PRICKLE2: variants seen among roughly 807,000 people sequenced by gnomAD.
The protein encoded by PRICKLE2 is prickle planar cell polarity protein 2.
PRICKLE2 carries 21 observed loss-of-function variants against 81.4 expected under a neutral mutation model. That is an observed-to-expected ratio of 0.26 (90% confidence interval 0.18 to 0.37). PRICKLE2 has a LOEUF of 0.37. Among genes scored for constraint, PRICKLE2 ranks in the 10% least tolerant of loss-of-function variants. PRICKLE2 has a pLI of 1.00. For synonymous variants in PRICKLE2, 456 were observed against 421.5 expected (o/e 1.08, Z -1.00); for missense variants, 940 against 1,109.0 (o/e 0.85, Z 2.16).
In PRICKLE2 at chr3:64,113,240, G is replaced by C. The variant is rs548883607; in HGVS notation, c.1661-13315C>G. 4.6e-5 allele frequency among the ~76,000 whole-genome samples: 7 copies of C among 152,316 alleles called. No homozygotes were observed. In the South Asian group the frequency reaches 1.4e-3, roughly 32 times the overall value. On this transcript the variant is annotated intron_variant, in intron 7 of 7. Transcript: ENST00000638394. ...GGTGTCTGCAGTGCAGCACGGGCAG[G>C]GGTGGCCATTCCCCTAGACTCAACT...
At chr3:64,104,853 C>T (rs1290905680) in intron 7 of PRICKLE2, 2 of 152,250 alleles carry the variant, frequency 1.3e-5, no homozygotes, top group African/African-American at 4.8e-5. Flanking sequence ...CCAGGGTCTT[C>T]TTGCATGCAG....
chr3:64,204,681 C>G (rs1422603594), intron 1 of PRICKLE2, among the ~76,000 whole-genome samples: 2 of 152,024 alleles, frequency 1.3e-5, no homozygotes, highest in Non-Finnish European at 2.9e-5. Flanking sequence ...GCCACAAGGA[C>G]CTTATCTGTT....
rs759784420 is a variant in PRICKLE2 at position 64,094,220 on chromosome 3, C to T, written c.*4831G>A. The T allele has an allele frequency of 4.6e-5, 7 of 152,182 alleles. No homozygotes were observed. The highest frequency in any genetic ancestry group is 1.0e-4 in the Non-Finnish European group (7 of 68,032). The allele number at this position is 152,182 out of a possible 1,614,324, so 9.4% of individuals were successfully genotyped here. A position where few individuals can be genotyped will look rare whatever the true frequency, so the allele number is the denominator to read the frequency against. ...AAAATTAATTAAAAAATGGAGGACT[C>T]ATAGTCCTTACAATGTTAAGTCAGG... On this transcript the variant is annotated 3_prime_UTR_variant, in exon 8 of 8. Coordinates refer to ENST00000638394, the MANE Select transcript of PRICKLE2 (RefSeq NM_198859.4).
intron 7 of PRICKLE2, among the ~76,000 whole-genome samples, chr3:64,132,312 G>T (rs900981354): frequency 2.0e-5 from 3 of 152,138 alleles, no homozygotes; most frequent in Non-Finnish European, 2.9e-5. Flanking sequence ...GCCCTGAATG[G>T]CTCTCTTGCT....
intron 2 of PRICKLE2, among the ~76,000 whole-genome samples, chr3:64,261,100 G>A (rs1386289730): frequency 6.6e-6 from 1 of 152,068 alleles, no homozygotes; most frequent in Admixed American, 6.6e-5. Context: ...ACTCCAAGGG[G>A]TTTACAGACC....
At position 64,178,085 on chromosome 3, in the gene PRICKLE2, T is replaced by C. The variant is rs900881397; in HGVS notation, c.145-14956A>G. On this transcript the variant is annotated intron_variant, in intron 2 of 7. Transcript: ENST00000638394. The stretch of plus-strand genomic sequence containing the variant: ...ATTTATTTTCCAGTTTTTAAAATTA[T>C]AACCATCTTAGTAGGTCTGAAGCAG... 5.9e-5 allele frequency among the ~76,000 whole-genome samples: 9 copies of C among 152,376 alleles called. No homozygotes were observed. The South Asian group carries it at 1.0e-3, about 18-fold the overall frequency.
chr3:64,162,274 TTAC>T (rs2107044472), intron 3 of PRICKLE2, among the ~76,000 whole-genome samples: 1 of 152,296 alleles, frequency 6.6e-6, no homozygotes, highest in Admixed American at 6.5e-5. Flanking sequence ...TTCCATAGGA[TTAC>T]TATTTTGAAA....
Position 64,220,736 on chromosome 3 carries a change from A to C in PRICKLE2, c.-41+4174T>G, listed in dbSNP as rs149701242. 2.0e-3 allele frequency among the ~76,000 whole-genome samples: 297 copies of C among 152,240 alleles called. 2 individuals carry two copies. Among genetic ancestry groups the C allele is most frequent in the African/African-American group, 6.5e-3 (272 of 41,546 alleles). On this transcript the variant is annotated intron_variant, in intron 1 of 7. Coordinates refer to ENST00000638394, the MANE Select transcript of PRICKLE2 (RefSeq NM_198859.4). ...TTCATGCCTCCAGTTCCAACCAGCG[A>C]CATCTCTGGATTCTGTGCCCCCTGG...
intron 6 of PRICKLE2, among the ~76,000 whole-genome samples, chr3:64,151,549 A>G (rs1045120032): frequency 3.3e-5 from 5 of 152,196 alleles, no homozygotes; most frequent in African/African-American, 1.2e-4. Context: ...GCCTCCAAGG[A>G]CAGAAACAGG....
chr3:64,235,388 G>A (rs962524635), intron 2 of PRICKLE2, among the ~76,000 whole-genome samples: 2 of 151,974 alleles, frequency 1.3e-5, no homozygotes, highest in African/African-American at 2.4e-5. Context: ...ACCCTCTCAC[G>A]GGCAGTTACT....
chr3:64,153,100 A>G, intron 6 of PRICKLE2, 82 bp downstream of exon 6: 1 of 1,293,118 alleles, frequency 7.7e-7, no homozygotes, highest in Non-Finnish European at 1.1e-6. Flanking sequence ...TAACACTTGC[A>G]ATCAAAGATA....
chr3:64,216,793 G>A (rs553735241), intron 1 of PRICKLE2, among the ~76,000 whole-genome samples: 2 of 152,236 alleles, frequency 1.3e-5, no homozygotes, highest in East Asian at 3.9e-4. Context: ...TGTTGAGAGA[G>A]GAGCACGTGA....
intron 7 of PRICKLE2, among the ~76,000 whole-genome samples, chr3:64,119,464 C>A (rs897711508): frequency 1.3e-5 from 2 of 152,146 alleles, no homozygotes; most frequent in African/African-American, 4.8e-5. Flanking sequence ...AAATTCTCAA[C>A]GTCACTAATC....
At chr3:64,263,859 A>C (rs1211962810) in intron 2 of PRICKLE2, among the ~76,000 whole-genome samples, 1 of 152,140 alleles carries the variant, frequency 6.6e-6, no homozygotes, top group Non-Finnish European at 1.5e-5. Flanking sequence ...ACACTCCTCA[A>C]GTTGTTGCCA....
At chr3:64,241,501 C>A (rs2079264801) in intron 2 of PRICKLE2, among the ~76,000 whole-genome samples, 1 of 152,208 alleles carries the variant, frequency 6.6e-6, no homozygotes, top group Non-Finnish European at 1.5e-5. Flanking sequence ...TGTGTGCATG[C>A]ATGCATATTT....
At chr3:64,175,352 C>G (rs1405900173) in intron 2 of PRICKLE2, among the ~76,000 whole-genome samples, 1 of 152,074 alleles carries the variant, frequency 6.6e-6, no homozygotes, top group Non-Finnish European at 1.5e-5. Context: ...TGTAAGGAGT[C>G]TTTAGTGGAA....
chr3:64,231,902 T>C (rs1276724744), intron 2 of PRICKLE2, among the ~76,000 whole-genome samples: 2 of 152,200 alleles, frequency 1.3e-5, no homozygotes, highest in African/African-American at 2.4e-5. Context: ...AAAACCCATA[T>C]TCTTTCCTTT....
intron 7 of PRICKLE2, among the ~76,000 whole-genome samples, chr3:64,111,683 T>A (rs1022775221): frequency 6.6e-6 from 1 of 152,198 alleles, no homozygotes; most frequent in Non-Finnish European, 1.5e-5. Context: ...GTACAGTATA[T>A]CCCATTTATA....
chr3:64,216,906 C>T (rs1182537153), intron 1 of PRICKLE2, among the ~76,000 whole-genome samples: 2 of 152,144 alleles, frequency 1.3e-5, no homozygotes, highest in Non-Finnish European at 2.9e-5. Context: ...CTTTCCAGTC[C>T]GTGGCAAGCT....
Sources: gnomAD v4.1 joint callset for allele counts (sites outside exome capture counted in the v4.1 genomes callset) on GRCh38, gnomAD v4.1.1 for gene constraint, MANE v1.5 for transcripts, NCBI Gene and HGNC (gene_info 2026-07-23, HGNC 2026-07-21) for gene names.